SLCO2A1: variants seen among roughly 807,000 people sequenced by gnomAD.
SLCO2A1 encodes matrin F/G 1.
SLCO2A1 carries 60 observed loss-of-function variants against 71.7 expected under a neutral mutation model. The observed-to-expected ratio is 0.84, with a 90% confidence interval of 0.68 to 1.04. The LOEUF is 1.04. Ranked by LOEUF, SLCO2A1 falls within the 50% of genes least tolerant of loss-of-function variation. The pLI, the probability that SLCO2A1 is intolerant of heterozygous loss-of-function variation, is 0.00. For missense variants in SLCO2A1, 745 were observed against 813.4 expected (o/e 0.92, Z 1.02); for synonymous variants, 308 against 326.7 (o/e 0.94, Z 0.62).
intron 1 of SLCO2A1, among the ~76,000 whole-genome samples, chr3:134,014,307 T>C (rs1935399695): frequency 6.6e-6 from 1 of 152,092 alleles, no homozygotes; most frequent in Admixed American, 6.5e-5. Context: ...AGTGTATCCA[T>C]GTGAGCCTCC....
intron 2 of SLCO2A1, among the ~76,000 whole-genome samples, chr3:133,974,817 G>T (rs1934410152): frequency 6.6e-6 from 1 of 152,168 alleles, no homozygotes; most frequent in Non-Finnish European, 1.5e-5. Context: ...CTGTAAATCT[G>T]CAGCCATAGC....
intron 1 of SLCO2A1, among the ~76,000 whole-genome samples, chr3:133,986,038 G>A (rs1260587392): frequency 6.6e-6 from 1 of 152,140 alleles, no homozygotes; most frequent in Admixed American, 6.5e-5. Flanking sequence ...CTACCGTGGT[G>A]GAAATATTCT....
rs535720121 is a variant in SLCO2A1 at position 133,948,821 on chromosome 3, G to C, written c.940+72C>G. 5.0e-6 allele frequency: 8 copies of C among 1,589,504 alleles called. No individual in the cohort carries two copies. In the African/African-American group the frequency reaches 8.1e-5, roughly 16 times the overall value. ...CCTTACCGCACACAACACCACAGGG[G>C]CTGGGGTCCCCCTGGCCACTATCCC... On this transcript the variant is annotated intron_variant, in intron 7 of 13. Transcript: ENST00000310926.
chr3:133,949,872 A>G (rs1461081371), intron 6 of SLCO2A1, among the ~76,000 whole-genome samples: 1 of 152,022 alleles, frequency 6.6e-6, no homozygotes, highest in Non-Finnish European at 1.5e-5. Context: ...CTGTCACCCA[A>G]GCTGGTGTGC....
chr3:133,987,922 T>A (rs1328706694), intron 1 of SLCO2A1, among the ~76,000 whole-genome samples: 1 of 152,158 alleles, frequency 6.6e-6, no homozygotes, highest in African/African-American at 2.4e-5. Context: ...GACAGGGCAA[T>A]CTGAATGAAA....
Position 133,973,733 on chromosome 3 carries a change from A to G in SLCO2A1, c.327T>C (p.Ala109=), listed in dbSNP as rs1210511952. The change falls in exon 3 of 14, where the codon GCT becomes GCC. Residue 109 remains alanine, a synonymous_variant. Coordinates refer to ENST00000310926, the MANE Select transcript of SLCO2A1 (RefSeq NM_005630.3). ...RLIGIGGLFL[A]AGAFILTLPH... ...GGAGGGTGAGGATGAAGGCACCTGC[A>G]GCCAGGAAGAGACCTCCGATGCCAA... 1 of 1,614,176 alleles carries G rather than the reference A, an allele frequency of 6.2e-7. No individual in the cohort carries two copies. The highest frequency in any genetic ancestry group is 2.2e-5 in the East Asian group (1 of 44,880).
intron 1 of SLCO2A1, among the ~76,000 whole-genome samples, chr3:133,983,686 G>C (rs1363176657): frequency 6.6e-6 from 1 of 152,218 alleles, no homozygotes; most frequent in Non-Finnish European, 1.5e-5. Flanking sequence ...GAGATCAGTT[G>C]TGTGTCTAGT....
intron 1 of SLCO2A1, among the ~76,000 whole-genome samples, chr3:134,023,811 G>C (rs1935644771): frequency 6.6e-6 from 1 of 152,234 alleles, no homozygotes; most frequent in Non-Finnish European, 1.5e-5. Flanking sequence ...CAGAGGCCCA[G>C]ACTGTCCCCT....
rs753035332 is a variant in SLCO2A1 at position 133,973,647 on chromosome 3, G to T, written c.397+16C>A. On this transcript the variant is annotated intron_variant, in intron 3 of 13. Coordinates refer to ENST00000310926, the MANE Select transcript of SLCO2A1 (RefSeq NM_005630.3). ...CCATTCCTTACCCCTTGAGGCAGGG[G>T]TTGGAAGCCACTCACCAGTGCTGGC... 8.1e-6 allele frequency: 13 copies of T among 1,613,004 alleles called. No individual in the cohort carries two copies. Among genetic ancestry groups the T allele is most frequent in the Non-Finnish European group, 1.0e-5 (12 of 1,179,852 alleles).
intron 1 of SLCO2A1, among the ~76,000 whole-genome samples, chr3:133,982,843 G>A (rs1048183740): frequency 2.6e-5 from 4 of 152,030 alleles, no homozygotes; most frequent in African/African-American, 7.3e-5. Flanking sequence ...AGCAGGTCAC[G>A]CCTGAATTGG....
intron 1 of SLCO2A1, among the ~76,000 whole-genome samples, chr3:134,003,106 A>G (rs1402603105): frequency 6.6e-6 from 1 of 152,022 alleles, no homozygotes; most frequent in East Asian, 1.9e-4. Context: ...GGCAAGTGCA[A>G]GGGAATGTGG....
At chr3:134,011,645 G>C (rs867669025) in intron 1 of SLCO2A1, among the ~76,000 whole-genome samples, 1 of 152,224 alleles carries the variant, frequency 6.6e-6, no homozygotes, top group African/African-American at 2.4e-5. Context: ...TGGAGCACAG[G>C]CTGGGACCCA....
chr3:134,024,219 T>C (rs1322806595), intron 1 of SLCO2A1, among the ~76,000 whole-genome samples: 4 of 152,216 alleles, frequency 2.6e-5, no homozygotes, highest in African/African-American at 9.6e-5. Flanking sequence ...CCCTGGCATT[T>C]CATCAACCAG....
At chr3:133,961,343 G>A (rs555939038) in intron 3 of SLCO2A1, among the ~76,000 whole-genome samples, 2 of 152,092 alleles carry the variant, frequency 1.3e-5, no homozygotes, top group Non-Finnish European at 2.9e-5. Context: ...AAACATCACC[G>A]GGAAAAGAAA....
At chr3:133,969,727 C>G (rs1242054619) in intron 3 of SLCO2A1, among the ~76,000 whole-genome samples, 2 of 152,158 alleles carry the variant, frequency 1.3e-5, no homozygotes, top group Non-Finnish European at 2.9e-5. Context: ...GGTATTCTTG[C>G]TCCCATTTTA....
chr3:133,984,206 T>C (rs943489534), intron 1 of SLCO2A1, among the ~76,000 whole-genome samples: 1 of 152,190 alleles, frequency 6.6e-6, no homozygotes, highest in Non-Finnish European at 1.5e-5. Flanking sequence ...TCAGATCTTT[T>C]CCTGAAAGAC....
At position 133,932,784 on chromosome 3, in the gene SLCO2A1, T is replaced by C. The variant is rs1303632857; in HGVS notation, c.*1929A>G. On this transcript the variant is annotated 3_prime_UTR_variant, in exon 14 of 14. Transcript: ENST00000310926. ...CAACCAATCTTCTAGAACCTGAAGG[T>C]TGGCATTCATTGTTCATAAACTCAG... 1 of 152,578 alleles carries C rather than the reference T, an allele frequency of 6.6e-6. No individual in the cohort carries two copies. The highest frequency in any genetic ancestry group is 2.1e-4 in the South Asian group (1 of 4,826). The allele number at this position is 152,578 out of a possible 1,614,324, so 9.5% of individuals were successfully genotyped here.
rs745520719 is a variant in SLCO2A1 at position 133,935,840 on chromosome 3, C to T, written c.1748G>A (p.Trp583Ter). 1 of 1,611,954 alleles carries T rather than the reference C, an allele frequency of 6.2e-7. No homozygotes were observed. Among genetic ancestry groups the T allele is most frequent in the South Asian group, 1.1e-5 (1 of 90,620 alleles). The change falls in exon 13 of 14, where the codon TGG (tryptophan) becomes TAG (stop). Residue 583 changes from tryptophan to a stop codon, truncating the protein, a stop_gained. Coordinates refer to ENST00000310926, the MANE Select transcript of SLCO2A1 (RefSeq NM_005630.3). LOFTEE classifies it high-confidence loss of function. ...TCGCCTCCCCAAGCACAGCGAGTTC[C>T]ACCGGATGCAGGAGTGGTCAATGGT... is the stretch of plus-strand genomic sequence containing the variant. ...GLTIDHSCIR[W>*]NSLCLGRRGA... is the part of the protein sequence containing the mutation.
Position 133,948,614 on chromosome 3 carries a change from C to A in SLCO2A1, c.1027G>T (p.Ala343Ser), listed in dbSNP as rs1178384502. ...TTGTTGAGGAAGGTGGAGAGGCCAG[C>A]AATGACGGAGGAGAAGGTGCACTGG... Reference protein sequence around the residue: ...LAQCTFSSVIAGLSTFLNKFL... With the variant: ...LAQCTFSSVISGLSTFLNKFL... Residue 343 changes from alanine to serine, a missense_variant, in exon 8 of 14, where the codon GCT (alanine) becomes TCT (serine). Physicochemically the swap from Ala to Ser is moderately conservative, Grantham distance 99 (BLOSUM62 1). Transcript: ENST00000310926. 6.2e-7 allele frequency: 1 copy of A among 1,614,048 alleles called. No individual in the cohort carries two copies. Among genetic ancestry groups the A allele is most frequent in the East Asian group, 2.2e-5 (1 of 44,888 alleles).
Sources: allele counts gnomAD v4.1 joint callset (sites outside exome capture counted in the v4.1 genomes callset), GRCh38; gene constraint gnomAD v4.1.1; transcripts MANE v1.5; gene names NCBI Gene and HGNC (gene_info 2026-07-23, HGNC 2026-07-21).